Variants in PSD2 observed in about 807,000 individuals in gnomAD.
PSD2 encodes PH and SEC7 domain-containing protein 2.
Under a neutral mutation model 69.8 loss-of-function variants are expected in PSD2, and 38 were observed. The ratio of observed to expected loss-of-function variants is 0.54; its 90% CI spans 0.42 to 0.71. The LOEUF is 0.71. Among genes scored for constraint, PSD2 ranks in the 30% least tolerant of loss-of-function variants. The probability of loss-of-function intolerance (pLI) is 0.00; values close to 1 mark genes in which losing one functional copy is unlikely to be tolerated. For missense variants in PSD2, 943 were observed against 1,014.5 expected (o/e 0.93, Z 0.96); for synonymous variants, 412 against 423.0 (o/e 0.97, Z 0.32).
intron 5 of PSD2, among the ~76,000 whole-genome samples, chr5:139,820,267 T>C (rs1413496106): frequency 6.6e-6 from 1 of 151,524 alleles, no homozygotes; most frequent in African/African-American, 2.4e-5. Context: ...GGCTCATAGG[T>C]AAGACAGGCT....
chr5:139,772,080 C>T, the PSD2 span, among the ~76,000 whole-genome samples: 10 of 152,148 alleles, frequency 6.6e-5, no homozygotes, highest in Admixed American at 1.3e-4. Context: ...TGGCAGGGAT[C>T]AGTTAGCAGC....
intron 5 of PSD2, among the ~76,000 whole-genome samples, chr5:139,820,441 G>A (rs1339453671): frequency 6.6e-6 from 1 of 152,142 alleles, no homozygotes; most frequent in East Asian, 1.9e-4. Context: ...GCAGTTGGTT[G>A]CTTGGGATTG....
Position 139,836,960 on chromosome 5 carries a change from T to A in PSD2, c.1553T>A (p.Val518Asp), listed in dbSNP as rs1438633620. Residue 518 changes from valine to aspartate, a missense_variant, in exon 10 of 15, where the codon GTC (valine) becomes GAC (aspartate). This residue lies in a region of PSD2 where 312 missense variants were observed against 400.7 expected (regional missense o/e 0.78). Transcript: ENST00000274710. ...ALSATTYKHG[V>D]LTRKTHADMD... is the part of the protein sequence containing the mutation. ...AGTGCCACCACCTACAAGCACGGCG[T>A]CCTGACCCGGAAGACTCACGCTGAC... The A allele has an allele frequency of 6.2e-7, 1 of 1,613,850 alleles. No individual in the cohort carries two copies. Among genetic ancestry groups the A allele is most frequent in the Non-Finnish European group, 8.5e-7 (1 of 1,179,934 alleles).
At chr5:139,746,498 G>A in the PSD2 span, among the ~76,000 whole-genome samples, 1 of 152,208 alleles carries the variant, frequency 6.6e-6, no homozygotes, top group Non-Finnish European at 1.5e-5. This position sits in a 1 kb window ranked among gnomAD's most constrained non-coding sequence, Gnocchi z 4.5. Context: ...TGGGACAGGC[G>A]GGGGCGAGTG....
the PSD2 span, among the ~76,000 whole-genome samples, chr5:139,787,817 C>T: frequency 4.6e-5 from 7 of 152,256 alleles, no homozygotes; most frequent in Non-Finnish European, 1.0e-4. Context: ...GTCTGGGTCA[C>T]CATGGGATAG....
At chr5:139,747,782 C>A in the PSD2 span, among the ~76,000 whole-genome samples, 1 of 152,234 alleles carries the variant, frequency 6.6e-6, no homozygotes, top group Admixed American at 6.5e-5. This position sits in a 1 kb window ranked among gnomAD's most constrained non-coding sequence, Gnocchi z 6.7. Flanking sequence ...CCACCGGGCC[C>A]CCCAGCCAGC....
At chr5:139,768,333 C>T in the PSD2 span, among the ~76,000 whole-genome samples, 25,679 of 152,128 alleles carry the variant, frequency 0.17, 2,630 homozygotes, top group African/African-American at 0.29. Context: ...ACCCTGGCTG[C>T]GGTTTAGATG....
At chr5:139,792,728 TTCTC>T (rs955116264), upstream of PSD2, among the ~76,000 whole-genome samples, 8 of 151,850 alleles carry the variant, frequency 5.3e-5, no homozygotes, top group African/African-American at 4.8e-5. Flanking sequence ...TTTCTTTTCT[TTCTC>T]TCTTTCTTTT....
chr5:139,769,915 T>G, the PSD2 span, among the ~76,000 whole-genome samples: 1 of 152,258 alleles, frequency 6.6e-6, no homozygotes, highest in Non-Finnish European at 1.5e-5. Context: ...CTTACCTTAA[T>G]GCTCTGCTGT....
chr5:139,830,554 C>CT lies in PSD2; in HGVS notation c.1270-3146dup, dbSNP rs1489445059. On this transcript the variant is annotated intron_variant, in intron 7 of 14. Transcript: ENST00000274710. ...CCTTCCTTCCTTCCTTCCTTCCTTC[C>CT]TTCCTTCCTTCCTTTCTTTCTTTCT... 1.2e-3 allele frequency among the ~76,000 whole-genome samples: 156 copies of CT among 135,246 alleles called. No homozygotes were observed. In the East Asian group the frequency reaches 0.016, roughly 14 times the overall value. The allele number at this position is 135,246 out of a possible 152,430, so 88.7% of individuals were successfully genotyped here.
At chr5:139,794,915 C>T (rs944074692), upstream of PSD2, among the ~76,000 whole-genome samples, 2 of 152,184 alleles carry the variant, frequency 1.3e-5, no homozygotes, top group African/African-American at 4.8e-5. Flanking sequence ...CAACCCTCTT[C>T]TTCAGTTAGA....
At chr5:139,786,705 C>T in the PSD2 span, among the ~76,000 whole-genome samples, 1 of 151,992 alleles carries the variant, frequency 6.6e-6, no homozygotes, top group Non-Finnish European at 1.5e-5. Context: ...CAGGCTGGGC[C>T]GATGAGACTG....
At chr5:139,801,994 G>A (rs966575705) in intron 1 of PSD2, among the ~76,000 whole-genome samples, 2 of 152,196 alleles carry the variant, frequency 1.3e-5, no homozygotes, top group Non-Finnish European at 2.9e-5. Flanking sequence ...AAATGGCCCA[G>A]CACAGCCCCT....
chr5:139,756,508 C>T, the PSD2 span, among the ~76,000 whole-genome samples: 1 of 152,160 alleles, frequency 6.6e-6, no homozygotes, highest in Non-Finnish European at 1.5e-5. Flanking sequence ...GGCTGGGCTG[C>T]GCGGTTCAGC....
chr5:139,820,602 A>G (rs1443048643), intron 5 of PSD2, among the ~76,000 whole-genome samples: 1 of 152,164 alleles, frequency 6.6e-6, no homozygotes, highest in Non-Finnish European at 1.5e-5. Flanking sequence ...CTGGGCCAAA[A>G]CGAAATGAAC....
chr5:139,752,964 T>C, the PSD2 span, among the ~76,000 whole-genome samples: 1 of 139,934 alleles, frequency 7.1e-6, no homozygotes, highest in African/African-American at 2.7e-5. Context: ...AAGCATCACA[T>C]GCACAGGCCC....
chr5:139,838,238 A>G (rs540210065), intron 12 of PSD2, among the ~76,000 whole-genome samples: 39 of 152,294 alleles, frequency 2.6e-4, no homozygotes, highest in East Asian at 2.3e-3. Context: ...CTAGTGGGTG[A>G]GGCCTCAGGA....
At position 139,796,526 on chromosome 5, in the gene PSD2, G is replaced by A. The variant is rs190008228; in HGVS notation, c.-51+551G>A. On this transcript the variant is annotated intron_variant, in intron 1 of 14. Coordinates refer to ENST00000274710, the MANE Select transcript of PSD2 (RefSeq NM_032289.4). ...CTCCCCGGCTCTGCAGCTAGAGCGG[G>A]GGCTCGCACGGGGGCGTGGCAGTCA... is the stretch of plus-strand genomic sequence containing the variant. Among the ~76,000 whole-genome samples the A allele has an allele frequency of 3.9e-3, 594 of 152,324 alleles. 1 individual carries two copies. The highest frequency in any genetic ancestry group is 0.013 in the African/African-American group (560 of 41,584).
chr5:139,825,179 C>T (rs1257326558), intron 7 of PSD2, among the ~76,000 whole-genome samples: 2 of 152,214 alleles, frequency 1.3e-5, no homozygotes, highest in African/African-American at 2.4e-5. Context: ...ATGAAGGGCA[C>T]ACACAGGAAG....
Sources: gnomAD v4.1 joint callset for allele counts (sites outside exome capture counted in the v4.1 genomes callset) on GRCh38, gnomAD v4.1.1 for gene constraint, gnomAD v4.1.1 regional missense constraint, Gnocchi (gnomAD v3.1) non-coding constraint, MANE v1.5 for transcripts, NCBI Gene and HGNC (gene_info 2026-07-23, HGNC 2026-07-21) for gene names.